IGF2BP2: variants seen among roughly 807,000 people sequenced by gnomAD.
IGF2BP2 encodes the protein insulin-like growth factor 2 mRNA-binding protein 2.
In IGF2BP2, 17 loss-of-function variants were observed where a neutral mutation model predicts 75.8. That is an observed-to-expected ratio of 0.22 (90% confidence interval 0.15 to 0.34). IGF2BP2 has a LOEUF of 0.34. Ranked by LOEUF, IGF2BP2 falls within the 10% of genes least tolerant of loss-of-function variation. The pLI is 1.00. For missense variants in IGF2BP2, 516 were observed against 772.4 expected, an observed-to-expected ratio of 0.67 and a Z score of 3.93; for synonymous variants, 288 against 295.6, an observed-to-expected ratio of 0.97 and a Z score of 0.26.
At chr3:185,801,931 C>T (rs923081147) in intron 2 of IGF2BP2, among the ~76,000 whole-genome samples, 3 of 152,014 alleles carry the variant, frequency 2.0e-5, no homozygotes, top group African/African-American at 7.2e-5. Context: ...AAACCAAACA[C>T]CACCTGTTCT....
In IGF2BP2 at chr3:185,647,466, A is replaced by AC. The variant is rs1048315001; in HGVS notation, c.1594-329dup. Among the ~76,000 whole-genome samples, 2 of 148,032 alleles carry AC rather than the reference A, an allele frequency of 1.4e-5. No individual in the cohort carries two copies. The highest frequency in any genetic ancestry group is 2.5e-5 in the African/African-American group (1 of 39,794). ...TCACAGAGACCCCAGGCTTTCCCAT[A>AC]CCCCCCCACTCCCCACCCCTACCCT... is the stretch of plus-strand genomic sequence containing the variant. On this transcript the variant is annotated intron_variant, in intron 14 of 15. Coordinates refer to ENST00000382199, the MANE Select transcript of IGF2BP2 (RefSeq NM_006548.6). This position sits in a 1 kb window ranked among gnomAD's most constrained non-coding sequence, Gnocchi z 4.9.
intron 13 of IGF2BP2, among the ~76,000 whole-genome samples, chr3:185,650,025 A>G (rs1714309063): frequency 6.6e-6 from 1 of 151,912 alleles, no homozygotes; most frequent in African/African-American, 2.4e-5. Context: ...CTAATGGAGA[A>G]CAGGGTCTTG....
intron 2 of IGF2BP2, among the ~76,000 whole-genome samples, chr3:185,741,686 A>G (rs1729574071): frequency 6.6e-6 from 1 of 152,270 alleles, no homozygotes; most frequent in Non-Finnish European, 1.5e-5. Context: ...TACAAAAATT[A>G]CAACAGTCAG....
At chr3:185,786,149 T>C (rs1735858494) in intron 2 of IGF2BP2, among the ~76,000 whole-genome samples, 1 of 151,966 alleles carries the variant, frequency 6.6e-6, no homozygotes, top group African/African-American at 2.4e-5. Context: ...ATACCAAAGA[T>C]AAACTATGTA....
intron 2 of IGF2BP2, among the ~76,000 whole-genome samples, chr3:185,739,108 T>C (rs548489611): frequency 3.8e-4 from 58 of 152,354 alleles, no homozygotes; most frequent in South Asian, 1.4e-3. Flanking sequence ...TTTGGTGGCA[T>C]ATATAAATAT....
intron 4 of IGF2BP2, among the ~76,000 whole-genome samples, chr3:185,692,980 A>G (rs1387737021): frequency 6.6e-6 from 1 of 152,228 alleles, no homozygotes; most frequent in African/African-American, 2.4e-5. Context: ...ACTCAGAACT[A>G]TATTTTCCAC....
At chr3:185,764,431 C>T (rs1255219117) in intron 2 of IGF2BP2, among the ~76,000 whole-genome samples, 3 of 152,110 alleles carry the variant, frequency 2.0e-5, no homozygotes. Flanking sequence ...ACAAATAGGT[C>T]CCAAGGGGCA....
intron 2 of IGF2BP2, among the ~76,000 whole-genome samples, chr3:185,742,762 A>G (rs910994329): frequency 6.6e-6 from 1 of 152,224 alleles, no homozygotes; most frequent in African/African-American, 2.4e-5. Context: ...TATGAACTGC[A>G]TGATTTCAGT....
At position 185,687,572 on chromosome 3, in the gene IGF2BP2, C is replaced by G. The variant is rs150324231; in HGVS notation, c.678-381G>C. Among the ~76,000 whole-genome samples the G allele has an allele frequency of 2.0e-5, 3 of 152,324 alleles. No homozygotes were observed. The East Asian group carries it at 5.8e-4, about 29-fold the overall frequency. ...CATTGGCACAGTGCCGGTCTCTGAA[C>G]TGATTGCAGCTTTTAAAAGCCATAT... On this transcript the variant is annotated intron_variant, in intron 6 of 15. Transcript: ENST00000382199.
chr3:185,666,096 C>A (rs924927195), intron 10 of IGF2BP2, among the ~76,000 whole-genome samples: 2 of 152,084 alleles, frequency 1.3e-5, no homozygotes, highest in Admixed American at 6.6e-5. Context: ...ACCCAGAATT[C>A]ATTCACGTGT....
intron 2 of IGF2BP2, among the ~76,000 whole-genome samples, chr3:185,756,689 G>A (rs1731662784): frequency 6.6e-6 from 1 of 152,150 alleles, no homozygotes; most frequent in African/African-American, 2.4e-5. Flanking sequence ...AAACTCAGGA[G>A]GTGGCCGGGC....
intron 2 of IGF2BP2, among the ~76,000 whole-genome samples, chr3:185,758,833 C>G: frequency 6.6e-6 from 1 of 152,238 alleles, no homozygotes; most frequent in East Asian, 1.9e-4. Context: ...ACCCTCGTGT[C>G]ATGGTCACTT....
chr3:185,689,580 T>A lies in IGF2BP2; in HGVS notation c.452A>T (p.Lys151Met), dbSNP rs1412028910. Residue 151 changes from lysine to methionine, a missense_variant, in exon 6 of 16, where the codon AAG (lysine) becomes ATG (methionine). Physicochemically the swap from Lys to Met is moderately conservative, Grantham distance 95. This residue lies in a region of IGF2BP2 where 312 missense variants were observed against 474.5 expected (regional missense o/e 0.66). Transcript: ENST00000382199. ...SGHQFENYSF[K>M]ISYIPDEEVS... ...CTCTTCATCCGGGATGTAGGAAATC[T>A]TGAAGGAGTAGTTCTCAAACTGATG... 1 of 1,614,076 alleles carries A rather than the reference T, an allele frequency of 6.2e-7. No homozygotes were observed. The highest frequency in any genetic ancestry group is 8.5e-7 in the Non-Finnish European group (1 of 1,180,028).
intron 10 of IGF2BP2, among the ~76,000 whole-genome samples, chr3:185,669,885 C>T (rs1162488987): frequency 6.6e-6 from 1 of 152,206 alleles, no homozygotes; most frequent in African/African-American, 2.4e-5. Flanking sequence ...GCTGGGCCCA[C>T]CAGGGAAGCC....
Position 185,720,347 on chromosome 3 carries a change from A to T in IGF2BP2, c.240-22000T>A, listed in dbSNP as rs190510686. Among the ~76,000 whole-genome samples the T allele has an allele frequency of 9.5e-4, 144 of 152,158 alleles. 1 individual carries two copies. Among genetic ancestry groups the T allele is most frequent in the East Asian group, 8.5e-3 (44 of 5,182 alleles). ...GCCTATTTATTTTATTTAATTAATT[A>T]ATTAATTTATTTTTTAGATGGAGTG... On this transcript the variant is annotated intron_variant, in intron 2 of 15. Transcript: ENST00000382199.
At chr3:185,663,961 T>C (rs950941764) in intron 10 of IGF2BP2, among the ~76,000 whole-genome samples, 89 of 152,222 alleles carry the variant, frequency 5.8e-4, no homozygotes, top group Non-Finnish European at 4.9e-4. Flanking sequence ...AGTGTGATGA[T>C]AGAGTGATAC....
chr3:185,652,499 G>A (rs1253291497), intron 12 of IGF2BP2, among the ~76,000 whole-genome samples: 1 of 152,180 alleles, frequency 6.6e-6, no homozygotes, highest in Non-Finnish European at 1.5e-5. Context: ...AAAAGCTCTA[G>A]GAAGAGGGAT....
intron 5 of IGF2BP2, among the ~76,000 whole-genome samples, chr3:185,691,585 T>C (rs1043886788): frequency 5.9e-5 from 9 of 152,310 alleles, no homozygotes; most frequent in Middle Eastern, 3.4e-3. Flanking sequence ...ACAGGCACTT[T>C]AAGGACCTCC....
At chr3:185,671,716 T>C (rs904132806) in intron 10 of IGF2BP2, among the ~76,000 whole-genome samples, 1 of 152,168 alleles carries the variant, frequency 6.6e-6, no homozygotes, top group Non-Finnish European at 1.5e-5. Context: ...AAAAAGCTAC[T>C]GGGAATTCAC....
Sources: gnomAD v4.1 joint callset for allele counts (sites outside exome capture counted in the v4.1 genomes callset) on GRCh38, gnomAD v4.1.1 for gene constraint, gnomAD v4.1.1 regional missense constraint, Gnocchi (gnomAD v3.1) non-coding constraint, MANE v1.5 for transcripts, NCBI Gene and HGNC (gene_info 2026-07-23, HGNC 2026-07-21) for gene names.